The following SLC4A5 variants were observed in gnomAD, a reference collection of about 807,000 sequenced individuals.
SLC4A5 encodes electrogenic sodium bicarbonate cotransporter 4.
Under a neutral mutation model 120.4 loss-of-function variants are expected in SLC4A5, and 96 were observed. The ratio of observed to expected loss-of-function variants is 0.80; its 90% CI spans 0.68 to 0.94. SLC4A5 has a LOEUF of 0.94. Among genes scored for constraint, SLC4A5 ranks in the 40% least tolerant of loss-of-function variants. The pLI, the probability that SLC4A5 is intolerant of heterozygous loss-of-function variation, is 0.00. For synonymous variants in SLC4A5, 550 were observed against 571.1 expected, an observed-to-expected ratio of 0.96 and a Z score of 0.53; for missense variants, 1,259 against 1,459.5, an observed-to-expected ratio of 0.86 and a Z score of 2.24.
At chr2:74,278,080 T>C (rs888880642) in intron 8 of SLC4A5, among the ~76,000 whole-genome samples, 1 of 152,222 alleles carries the variant, frequency 6.6e-6, no homozygotes, top group Non-Finnish European at 1.5e-5. Context: ...AAAATATACA[T>C]GAATAGGTAA....
chr2:74,247,396 G>A, intron 18 of SLC4A5, 89 bp from the exon 19 acceptor site: 1 of 1,391,006 alleles, frequency 7.2e-7, no homozygotes, highest in Non-Finnish European at 9.7e-7. Context: ...TGGCTTATCT[G>A]TCCTCCTGTG....
At chr2:74,264,510 G>GTA (rs1338383591) in intron 9 of SLC4A5, among the ~76,000 whole-genome samples, 1 of 152,026 alleles carries the variant, frequency 6.6e-6, no homozygotes, top group African/African-American at 2.4e-5. Flanking sequence ...GTGTGTGTGT[G>GTA]TGTGTGTGTG....
chr2:74,237,196 T>A (rs1670296615), intron 21 of SLC4A5, among the ~76,000 whole-genome samples: 1 of 152,158 alleles, frequency 6.6e-6, no homozygotes, highest in African/African-American at 2.4e-5. Flanking sequence ...CAGGATGGTC[T>A]CGATCTCCTG....
chr2:74,232,016 G>A lies in SLC4A5; in HGVS notation c.2774+453C>T, dbSNP rs1462731548. Among the ~76,000 whole-genome samples the A allele has an allele frequency of 2.0e-5, 3 of 152,198 alleles. 1 individual carries two copies. Among genetic ancestry groups the A allele is most frequent in the Non-Finnish European group, 4.4e-5 (3 of 68,032 alleles). On this transcript the variant is annotated intron_variant, in intron 24 of 30. Coordinates refer to ENST00000394019, the Ensembl canonical transcript of SLC4A5. ...AGAGAAGAGGCAAGTGAAGGAACAG[G>A]AGTAACAGGCAGGGCCACAGACTGG...
At chr2:74,253,645 A>G (rs1006095110) in intron 14 of SLC4A5, among the ~76,000 whole-genome samples, 16 of 152,190 alleles carry the variant, frequency 1.1e-4, no homozygotes, top group Admixed American at 7.2e-4. Context: ...CACTCATTTA[A>G]TTTTACATAA....
chr2:74,315,454 A>G (rs1420935439), intron 5 of SLC4A5, among the ~76,000 whole-genome samples: 1 of 151,478 alleles, frequency 6.6e-6, no homozygotes, highest in African/African-American at 2.4e-5. Context: ...AAAGAAAAAA[A>G]AAAAAAAAAA....
At chr2:74,221,558 C>T (rs1446838461) in intron 29 of SLC4A5, 57 bp from the exon 30 acceptor site, 12 of 1,540,592 alleles carry the variant, frequency 7.8e-6, no homozygotes, top group South Asian at 3.3e-5. Context: ...CATATTTCTC[C>T]GGGCTTCCCC....
chr2:74,279,847 C>A (rs2104133960), intron 8 of SLC4A5, among the ~76,000 whole-genome samples: 1 of 152,226 alleles, frequency 6.6e-6, no homozygotes, highest in Admixed American at 6.5e-5. Flanking sequence ...ACTATCTGTC[C>A]CCACGTGCCA....
intron 5 of SLC4A5, among the ~76,000 whole-genome samples, chr2:74,327,405 C>T (rs974265341): frequency 1.3e-5 from 2 of 152,142 alleles, no homozygotes; most frequent in Non-Finnish European, 2.9e-5. Flanking sequence ...AAGAATGACA[C>T]GGGGTCATGC....
At chr2:74,299,276 G>T (rs565599834) in intron 7 of SLC4A5, among the ~76,000 whole-genome samples, 1 of 152,152 alleles carries the variant, frequency 6.6e-6, no homozygotes, top group Non-Finnish European at 1.5e-5. Flanking sequence ...GCTTGAACCC[G>T]GGAGGCAGAG....
At chr2:74,309,000 G>C (rs556448910) in intron 6 of SLC4A5, among the ~76,000 whole-genome samples, 1 of 150,264 alleles carries the variant, frequency 6.7e-6, no homozygotes, top group Non-Finnish European at 1.5e-5. Flanking sequence ...CTGAAGCTTT[G>C]ACCTCCTGTG....
In SLC4A5 at chr2:74,264,994, G is replaced by C. The variant is rs6737231; in HGVS notation, c.562+110C>G. Reference sequence around the variant, plus strand: ...GTCAAAGCTGGTCTCTGCAGAATCAGGTGTCAGAGACGGGCCGTCACACAG... The same window carrying C: ...GTCAAAGCTGGTCTCTGCAGAATCACGTGTCAGAGACGGGCCGTCACACAG... On this transcript the variant is annotated intron_variant, in intron 9 of 30. Coordinates refer to ENST00000394019, the Ensembl canonical transcript of SLC4A5. The C allele has an allele frequency of 5.2e-3, 6,398 of 1,225,098 alleles. 256 individuals are homozygous for C. In the African/African-American group the frequency reaches 0.086, roughly 16 times the overall value. 75.9% of individuals were successfully genotyped at this position (1,225,098 alleles called of 1,614,324 possible).
intron 8 of SLC4A5, among the ~76,000 whole-genome samples, chr2:74,282,231 T>C (rs1272435143): frequency 6.6e-6 from 1 of 152,160 alleles, no homozygotes; most frequent in African/African-American, 2.4e-5. Context: ...TTGCTGGTCA[T>C]ACCTTGGAGA....
intron 6 of SLC4A5, among the ~76,000 whole-genome samples, chr2:74,311,875 A>G (rs1036149070): frequency 6.6e-6 from 1 of 152,120 alleles, no homozygotes; most frequent in Non-Finnish European, 1.5e-5. Context: ...TGCCTGCCGG[A>G]TCTGTCAATT....
intron 28 of SLC4A5, among the ~76,000 whole-genome samples, chr2:74,223,398 A>G (rs930097876): frequency 9.9e-5 from 15 of 152,202 alleles, no homozygotes; most frequent in Non-Finnish European, 1.2e-4. Flanking sequence ...GGATGCTGCA[A>G]ATACCCTGGG....
chr2:74,244,933 A>C (rs756986977), intron 19 of SLC4A5, among the ~76,000 whole-genome samples: 3 of 152,180 alleles, frequency 2.0e-5, no homozygotes, highest in Non-Finnish European at 4.4e-5. Context: ...AGGTGGCTTC[A>C]TTATGTCCCT....
At chr2:74,334,709 T>TGCC (rs1673441425) in intron 3 of SLC4A5, among the ~76,000 whole-genome samples, 2 of 152,068 alleles carry the variant, frequency 1.3e-5, no homozygotes, top group Non-Finnish European at 2.9e-5. Context: ...CTGACTCAAC[T>TGCC]AACTGTGGCA....
intron 10 of SLC4A5, among the ~76,000 whole-genome samples, chr2:74,262,675 G>C (rs575208821): frequency 3.0e-4 from 46 of 151,742 alleles, no homozygotes; most frequent in Admixed American, 2.6e-4. Flanking sequence ...CTCCAGCCTG[G>C]GTGACAGAGT....
At chr2:74,316,935 G>T (rs758842968) in intron 5 of SLC4A5, among the ~76,000 whole-genome samples, 2 of 152,220 alleles carry the variant, frequency 1.3e-5, no homozygotes, top group African/African-American at 2.4e-5. Context: ...ACCTTCTAAC[G>T]TATAATGCCT....
Sources: allele counts gnomAD v4.1 joint callset (sites outside exome capture counted in the v4.1 genomes callset), GRCh38; gene constraint gnomAD v4.1.1; transcripts MANE v1.5; gene names NCBI Gene and HGNC (gene_info 2026-07-23, HGNC 2026-07-21).